Variants in MRTFA observed in about 807,000 individuals in gnomAD.
MRTFA encodes myocardin-related transcription factor A.
A neutral mutation model predicts 83.5 loss-of-function variants in MRTFA; 20 were observed. The observed-to-expected ratio is 0.24, with a 90% confidence interval of 0.17 to 0.35. The LOEUF is 0.35. Ranked by LOEUF, MRTFA falls within the 10% of genes least tolerant of loss-of-function variation. The pLI, the probability that MRTFA is intolerant of heterozygous loss-of-function variation, is 1.00. For synonymous variants in MRTFA, 659 were observed against 541.2 expected (o/e 1.22, Z -3.02); for missense variants, 1,200 against 1,224.7 (o/e 0.98, Z 0.30).
chr22:40,496,160 C>G (rs1334084125), intron 3 of MRTFA, among the ~76,000 whole-genome samples: 1 of 152,138 alleles, frequency 6.6e-6, no homozygotes, highest in Non-Finnish European at 1.5e-5. Context: ...CACTTAGCAG[C>G]TGCTGTGACC....
At chr22:40,610,932 CTT>C (rs746175814) in intron 1 of MRTFA, among the ~76,000 whole-genome samples, 3 of 108,332 alleles carry the variant, frequency 2.8e-5, no homozygotes, top group African/African-American at 6.9e-5. Context: ...TTTTCTTTTA[CTT>C]TTTTTTTTTT....
chr22:40,513,199 T>A (rs1436699188), intron 3 of MRTFA, among the ~76,000 whole-genome samples: 1 of 152,194 alleles, frequency 6.6e-6, no homozygotes, highest in Non-Finnish European at 1.5e-5. Context: ...ACAAAAAGTG[T>A]CAATCTTAGA....
At chr22:40,558,797 GTT>G (rs60228865) in intron 2 of MRTFA, among the ~76,000 whole-genome samples, 11 of 143,010 alleles carry the variant, frequency 7.7e-5, no homozygotes, top group Non-Finnish European at 9.2e-5. Context: ...GGTTTTTTGG[GTT>G]TTTTTTTTTT....
intron 2 of MRTFA, chr22:40,587,968 G>A (rs2056056939): frequency 3.1e-6 from 1 of 320,628 alleles, no homozygotes; most frequent in Non-Finnish European, 6.2e-6. Flanking sequence ...CTTTTTCAGA[G>A]TACACTGATA....
intron 1 of MRTFA, among the ~76,000 whole-genome samples, chr22:40,610,488 C>T (rs2056374529): frequency 6.6e-6 from 1 of 152,148 alleles, no homozygotes; most frequent in African/African-American, 2.4e-5. Flanking sequence ...GTAGGAACTG[C>T]CTCCTCTTAA....
intron 4 of MRTFA, among the ~76,000 whole-genome samples, chr22:40,457,489 G>GAAGGAAA (rs1569276004): frequency 6.1e-5 from 4 of 65,712 alleles, no homozygotes; most frequent in Non-Finnish European, 1.4e-4. Flanking sequence ...AAAGAAAGAA[G>GAAGGAAA]GAAAGAAAGA....
intron 1 of MRTFA, among the ~76,000 whole-genome samples, chr22:40,606,573 A>T (rs1268369100): frequency 1.3e-5 from 2 of 152,234 alleles, no homozygotes; most frequent in Non-Finnish European, 2.9e-5. Context: ...ACAAATGTTT[A>T]AACAAAGATC....
chr22:40,415,420 A>G (rs1249909663), intron 14 of MRTFA: 1 of 152,218 alleles, frequency 6.6e-6, no homozygotes, highest in Non-Finnish European at 1.5e-5. Context: ...CTTGTCTTAA[A>G]TTGAAATAAA....
At chr22:40,606,311 TAAAG>T (rs1213367920) in intron 1 of MRTFA, among the ~76,000 whole-genome samples, 2 of 152,194 alleles carry the variant, frequency 1.3e-5, no homozygotes, top group Non-Finnish European at 2.9e-5. Context: ...AGAAACTTAA[TAAAG>T]TTAGTTATGC....
chr22:40,602,100 C>G (rs544641607), intron 1 of MRTFA, among the ~76,000 whole-genome samples: 2 of 152,256 alleles, frequency 1.3e-5, no homozygotes, highest in Admixed American at 1.3e-4. Flanking sequence ...GAACAAAGCA[C>G]CTACGAAGAA....
At chr22:40,502,350 G>A (rs2054504818) in intron 3 of MRTFA, among the ~76,000 whole-genome samples, 6 of 114,760 alleles carry the variant, frequency 5.2e-5, no homozygotes, top group Admixed American at 8.0e-5. Flanking sequence ...CAGACGGGGC[G>A]GCCGGGCAGA....
intron 14 of MRTFA, 76 bp from the exon 15 acceptor site, chr22:40,411,983 ACCC>A (rs953988033): frequency 7.8e-7 from 1 of 1,276,520 alleles, no homozygotes; most frequent in African/African-American, 1.5e-5. Flanking sequence ...ATGAAGGTGG[ACCC>A]CCCAACGTCA....
intron 3 of MRTFA, among the ~76,000 whole-genome samples, chr22:40,490,979 AG>A (rs2054262702): frequency 6.6e-6 from 1 of 152,220 alleles, no homozygotes; most frequent in African/African-American, 2.4e-5. Flanking sequence ...CAAATTTAAA[AG>A]TGAACTTTTC....
At position 40,419,069 on chromosome 22, in the gene MRTFA, G is replaced by A. The variant is rs775891628; in HGVS notation, c.1669C>T (p.Pro557Ser). The A allele has an allele frequency of 6.2e-6, 10 of 1,609,062 alleles. No individual in the cohort carries two copies. Among genetic ancestry groups the A allele is most frequent in the Non-Finnish European group, 8.5e-6 (10 of 1,178,368 alleles). Residue 557 changes from proline (P) to serine (S), a missense_variant, in exon 12 of 15, where the codon CCC becomes TCC. Physicochemically the swap from Pro to Ser is moderately conservative, Grantham distance 74. This residue lies in a region of MRTFA where 1,107 missense variants were observed against 1,041.8 expected (regional missense o/e 1.06). Coordinates refer to ENST00000355630, the MANE Select transcript of MRTFA (RefSeq NM_020831.6). ...GTGCTGAGCAGTGAGCGCTCCGAGG[G>A]GGTGGGAGACACGGGGGGCGTGGAG...
At chr22:40,427,905 CA>C (rs1309676734) in intron 7 of MRTFA, among the ~76,000 whole-genome samples, 1 of 152,142 alleles carries the variant, frequency 6.6e-6, no homozygotes, top group Non-Finnish European at 1.5e-5. Context: ...GCTCTGAGAT[CA>C]AGCTCTATAA....
chr22:40,609,482 CAA>C (rs148106089), intron 1 of MRTFA, among the ~76,000 whole-genome samples: 32 of 69,712 alleles, frequency 4.6e-4, no homozygotes, highest in East Asian at 9.4e-4. Context: ...GTCTCTTTAA[CAA>C]AAAAAAAAAA....
intron 2 of MRTFA, among the ~76,000 whole-genome samples, chr22:40,556,725 A>G (rs2055530404): frequency 6.6e-6 from 1 of 152,236 alleles, no homozygotes; most frequent in African/African-American, 2.4e-5. Flanking sequence ...TATGGTTTGA[A>G]CCATGTCTCT....
intron 4 of MRTFA, among the ~76,000 whole-genome samples, chr22:40,457,168 C>G (rs2053599027): frequency 6.6e-6 from 1 of 152,118 alleles, no homozygotes; most frequent in East Asian, 1.9e-4. Context: ...AGTTCAAGAC[C>G]AGCCTGGCCA....
intron 3 of MRTFA, among the ~76,000 whole-genome samples, chr22:40,474,255 A>C (rs1431902414): frequency 6.6e-6 from 1 of 152,222 alleles, no homozygotes; most frequent in Non-Finnish European, 1.5e-5. Context: ...GACAACAAAC[A>C]AATAAATTCA....
Sources: gnomAD v4.1 joint callset for allele counts (sites outside exome capture counted in the v4.1 genomes callset) on GRCh38, gnomAD v4.1.1 for gene constraint, gnomAD v4.1.1 regional missense constraint, MANE v1.5 for transcripts, NCBI Gene and HGNC (gene_info 2026-07-23, HGNC 2026-07-21) for gene names.